Variants in SDHA observed in about 807,000 individuals in gnomAD.
SDHA encodes succinate dehydrogenase [ubiquinone] flavoprotein subunit, mitochondrial.
SDHA carries 48 observed loss-of-function variants against 78.4 expected under a neutral mutation model. The ratio of observed to expected loss-of-function variants is 0.61; its 90% CI spans 0.49 to 0.78. The LOEUF is 0.78. Ranked by LOEUF, SDHA falls within the 30% of genes least tolerant of loss-of-function variation. The pLI is 0.00. For synonymous variants in SDHA, 326 were observed against 353.9 expected, an observed-to-expected ratio of 0.92 and a Z score of 0.88; for missense variants, 680 against 892.7, an observed-to-expected ratio of 0.76 and a Z score of 3.04.
Position 233,716 on chromosome 5 carries a change from A to G in SDHA, c.1064+71A>G, listed in dbSNP as rs565120894. ...CGGGGTTGCTTCTGTGAGTTTCAGC[A>G]CCGCTCGCCCTCACCTTCGTGTGCA... is the stretch of plus-strand genomic sequence containing the variant. On this transcript the variant is annotated intron_variant, in intron 8 of 14. Transcript: ENST00000264932. The G allele has an allele frequency of 1.8e-5, 27 of 1,487,010 alleles. No individual in the cohort carries two copies. The African/African-American group carries it at 3.2e-4, about 18-fold the overall frequency. The allele number at this position is 1,487,010 out of a possible 1,614,324, so 92.1% of individuals were successfully genotyped here. A position where few individuals can be genotyped will look rare whatever the true frequency, so the allele number is the denominator to read the frequency against.
the SDHA span, among the ~76,000 whole-genome samples, chr5:262,847 C>G: frequency 6.6e-6 from 1 of 152,124 alleles, no homozygotes; most frequent in Admixed American, 6.5e-5. Context: ...GTAAAAGCCA[C>G]GATTACTTTT....
intron 10 of SDHA, among the ~76,000 whole-genome samples, chr5:238,420 AATACAT>A (rs1735915889): frequency 6.6e-6 from 1 of 151,770 alleles, no homozygotes; most frequent in Non-Finnish European, 1.5e-5. Context: ...TGCAAAAAAA[AATACAT>A]ATATATACAC....
intron 5 of SDHA, among the ~76,000 whole-genome samples, chr5:226,658 G>A (rs184210005): frequency 3.3e-5 from 5 of 151,402 alleles, no homozygotes; most frequent in Admixed American, 3.3e-4. Flanking sequence ...GCTGGGTGCG[G>A]TGGCTCACGC....
chr5:221,477 G>T (rs1734712424), intron 1 of SDHA, among the ~76,000 whole-genome samples: 1 of 152,150 alleles, frequency 6.6e-6, no homozygotes, highest in South Asian at 2.1e-4. Context: ...GTGATTTATA[G>T]GTGCGTTGTA....
chr5:230,950 G>C lies in SDHA; in HGVS notation c.845G>C (p.Arg282Thr), dbSNP rs1735361111. ...GGCGACGGCACGGCCATGATCACCA[G>C]GGCAGGCCTTCCTTGCCAGGACCTA... is the stretch of plus-strand genomic sequence containing the variant. Reference protein sequence around the residue: ...STGDGTAMITRAGLPCQDLEF... With the variant: ...STGDGTAMITTAGLPCQDLEF... The change falls in exon 7 of 15, where the codon AGG (arginine) becomes ACG (threonine). Residue 282 changes from arginine (R) to threonine (T), a missense_variant. By Grantham distance (71) the Arg-to-Thr change is moderately conservative (BLOSUM62 -1). Coordinates refer to ENST00000264932, the MANE Select transcript of SDHA (RefSeq NM_004168.4). The C allele has an allele frequency of 3.7e-6, 6 of 1,614,028 alleles. No individual in the cohort carries two copies. Among genetic ancestry groups the C allele is most frequent in the Non-Finnish European group, 5.1e-6 (6 of 1,179,900 alleles).
In SDHA at chr5:251,471, G is replaced by C. The variant is rs375883981; in HGVS notation, c.1794+3G>C. 35 of 1,613,818 alleles carry C rather than the reference G, an allele frequency of 2.2e-5. No homozygotes were observed. The highest frequency in any genetic ancestry group is 2.2e-4 in the Admixed American group (13 of 59,986). On this transcript the variant is annotated splice_donor_region_variant and intron_variant, in intron 13 of 14. Transcript: ENST00000264932. The stretch of plus-strand genomic sequence containing the variant: ...CGCATGCCAGGGAAGACTACAAGGT[G>C]GGCCTTCTCACCACGCCCACCTGCA...
In SDHA at chr5:224,409, T is replaced by C; in HGVS notation, c.200T>C (p.Val67Ala). ...GATCATGAATTTGATGCAGTGGTGG[T>C]AGGCGCTGGAGGGGCAGGCTTGCGA... is the stretch of plus-strand genomic sequence containing the variant. ...VVDHEFDAVV[V>A]GAGGAGLRAA... is the part of the protein sequence containing the mutation. Residue 67 changes from valine (V) to alanine (A), a missense_variant, in exon 3 of 15, where the codon GTA (valine) becomes GCA (alanine). Val to Ala is a moderately conservative substitution (Grantham distance 64, BLOSUM62 0). Coordinates refer to ENST00000264932, the MANE Select transcript of SDHA (RefSeq NM_004168.4). The C allele has an allele frequency of 1.2e-6, 2 of 1,613,676 alleles. No individual in the cohort carries two copies. Among genetic ancestry groups the C allele is most frequent in the Non-Finnish European group, 1.7e-6 (2 of 1,179,804 alleles).
intron 14 of SDHA, among the ~76,000 whole-genome samples, chr5:255,112 C>T (rs1359523077): frequency 2.2e-5 from 3 of 137,582 alleles, no homozygotes; most frequent in Non-Finnish European, 4.8e-5. Flanking sequence ...GAGCAGCGTC[C>T]TGGGAACAGC....
the SDHA span, among the ~76,000 whole-genome samples, chr5:263,806 C>T: frequency 1.3e-5 from 2 of 152,328 alleles, no homozygotes; most frequent in Non-Finnish European, 2.9e-5. Flanking sequence ...TTGGCAGCAT[C>T]TAACAAAAGT....
intron 3 of SDHA, among the ~76,000 whole-genome samples, chr5:225,033 C>T (rs928890710): frequency 3.9e-5 from 6 of 152,096 alleles, no homozygotes; most frequent in Admixed American, 6.5e-5. Context: ...AACACATGCC[C>T]GTAAATGCCA....
At chr5:254,004 G>A (rs1339953508) in intron 13 of SDHA, among the ~76,000 whole-genome samples, 1 of 151,752 alleles carries the variant, frequency 6.6e-6, no homozygotes, top group Non-Finnish European at 1.5e-5. Flanking sequence ...TCACACCACT[G>A]CACTCCAGCC....
Position 250,997 on chromosome 5 carries a change from G to A in SDHA, c.1557G>A (p.Met519Ile), listed in dbSNP as rs2126631954. The change falls in exon 12 of 15, where the codon ATG becomes ATA. Residue 519 changes from methionine to isoleucine, a missense_variant. Transcript: ENST00000264932. ...AATAATATTTTGTGCCACAGTCAAT[G>A]CAAAATCATGCTGCCGTGTTCCGTG... is the stretch of plus-strand genomic sequence containing the variant. ...SELRLSMQKS[M>I]QNHAAVFRVG... 1 of 1,611,876 alleles carries A rather than the reference G, an allele frequency of 6.2e-7. No homozygotes were observed. Among genetic ancestry groups the A allele is most frequent in the Non-Finnish European group, 8.5e-7 (1 of 1,179,694 alleles).
At chr5:225,656 G>A (rs2126548373) in intron 4 of SDHA, 94 bp downstream of exon 4, 2 of 1,560,476 alleles carry the variant, frequency 1.3e-6, no homozygotes, top group East Asian at 2.2e-5. Flanking sequence ...GGATGTGGCA[G>A]CCAAAAGAAT....
rs145502690 is a variant in SDHA, at chr5:219,587, G to A, written c.63+1169G>A. Reference sequence around the variant, plus strand: ...ACAGCCATCCTGCCAACATCAGAAAGCGTGTAAACCGTTCTAGTGTGTTGC... The same window carrying A: ...ACAGCCATCCTGCCAACATCAGAAAACGTGTAAACCGTTCTAGTGTGTTGC... On this transcript the variant is annotated intron_variant, in intron 1 of 14. Coordinates refer to ENST00000264932, the MANE Select transcript of SDHA (RefSeq NM_004168.4). Among the ~76,000 whole-genome samples, 390 of 152,308 alleles carry A rather than the reference G, an allele frequency of 2.6e-3. 1 individual carries two copies. Among genetic ancestry groups the A allele is most frequent in the African/African-American group, 8.9e-3 (370 of 41,560 alleles).
intron 11 of SDHA, chr5:250,566 C>T (rs1736748060): frequency 3.3e-6 from 1 of 299,792 alleles, no homozygotes; most frequent in South Asian, 3.1e-5. Flanking sequence ...CTCTGCTCAG[C>T]TCCTCCTAGT....
intron 8 of SDHA, chr5:233,920 A>C (rs1735589386): frequency 2.3e-6 from 1 of 435,130 alleles, no homozygotes; most frequent in Non-Finnish European, 4.3e-6. Context: ...ACACACACCC[A>C]ACCTGAAGTC....
intron 2 of SDHA, 143 bp from the exon 3 acceptor site, chr5:224,217 G>A: frequency 1.1e-6 from 1 of 892,440 alleles, no homozygotes; most frequent in Non-Finnish European, 1.9e-6. Flanking sequence ...GAACTGTTCA[G>A]GGCTCAGCCC....
At chr5:237,419 G>A (rs1385281308) in intron 10 of SDHA, among the ~76,000 whole-genome samples, 2 of 133,492 alleles carry the variant, frequency 1.5e-5, no homozygotes. Context: ...TCACTTGCTG[G>A]TTTTCTTTTC....
Position 223,543 on chromosome 5 carries a change from G to A in SDHA, c.125G>A (p.Arg42Lys), listed in dbSNP as rs747557411. ...CACTTCACTGTTGATGGGAACAAGA[G>A]GGCATCTGCTAAAGTTTCAGATTCC... is the stretch of plus-strand genomic sequence containing the variant. ...GFHFTVDGNK[R>K]ASAKVSDSIS... Residue 42 changes from arginine to lysine, a missense_variant, in exon 2 of 15, where the codon AGG (arginine) becomes AAG (lysine). Arg to Lys is a conservative substitution (Grantham distance 26). Coordinates refer to ENST00000264932, the MANE Select transcript of SDHA (RefSeq NM_004168.4). 3.1e-6 allele frequency: 5 copies of A among 1,613,554 alleles called. No individual in the cohort carries two copies. The Admixed American group carries it at 5.0e-5, about 16-fold the overall frequency.
Sources: gnomAD v4.1 joint callset for allele counts (sites outside exome capture counted in the v4.1 genomes callset) on GRCh38, gnomAD v4.1.1 for gene constraint, MANE v1.5 for transcripts, NCBI Gene and HGNC (gene_info 2026-07-23, HGNC 2026-07-21) for gene names.